The following TMEM132D variants were observed in gnomAD, a reference collection of about 807,000 sequenced individuals.
The protein encoded by TMEM132D is mature OL transmembrane protein.
A neutral mutation model predicts 62.3 loss-of-function variants in TMEM132D; 21 were observed. That is an observed-to-expected ratio of 0.34 (90% CI 0.24 to 0.49). The LOEUF is 0.49. Among genes scored for constraint, TMEM132D ranks in the 20% least tolerant of loss-of-function variants. TMEM132D has a pLI of 0.99. For synonymous variants in TMEM132D, 621 were observed against 575.6 expected, an observed-to-expected ratio of 1.08 and a Z score of -1.13; for missense variants, 1,346 against 1,402.8, an observed-to-expected ratio of 0.96 and a Z score of 0.65.
chr12:129,357,801 T>C (rs1307976854), intron 3 of TMEM132D, among the ~76,000 whole-genome samples: 1 of 152,160 alleles, frequency 6.6e-6, no homozygotes, highest in Non-Finnish European at 1.5e-5. Context: ...AATGGCACTT[T>C]GGAAATTTGC....
chr12:129,182,967 C>G (rs923091222), intron 5 of TMEM132D, among the ~76,000 whole-genome samples: 3 of 152,116 alleles, frequency 2.0e-5, no homozygotes, highest in African/African-American at 7.2e-5. Context: ...ACAGGTGTGG[C>G]AGGGATGGCT....
At chr12:129,667,487 G>C (rs1453146339) in intron 2 of TMEM132D, among the ~76,000 whole-genome samples, 2 of 152,004 alleles carry the variant, frequency 1.3e-5, no homozygotes, top group African/African-American at 2.4e-5. Context: ...TCAAAGTAAA[G>C]GTTTTTCTTT....
intron 5 of TMEM132D, among the ~76,000 whole-genome samples, chr12:129,186,894 A>C (rs1427622175): frequency 1.3e-5 from 2 of 152,230 alleles, no homozygotes; most frequent in Non-Finnish European, 2.9e-5. Context: ...AAAAAACCTA[A>C]GTAATACATT....
chr12:129,580,234 G>C (rs1334045117), intron 2 of TMEM132D, among the ~76,000 whole-genome samples: 2 of 152,082 alleles, frequency 1.3e-5, no homozygotes, highest in African/African-American at 4.8e-5. Context: ...AAAAAAACTC[G>C]GGTCGAAAAT....
intron 3 of TMEM132D, among the ~76,000 whole-genome samples, chr12:129,468,193 G>A (rs1485969305): frequency 6.6e-6 from 1 of 151,844 alleles, no homozygotes; most frequent in African/African-American, 2.4e-5. Flanking sequence ...CTTTGTGTGT[G>A]TGTGTGTGTG....
chr12:129,508,733 C>CT (rs2137072450), intron 3 of TMEM132D, among the ~76,000 whole-genome samples: 1 of 144,704 alleles, frequency 6.9e-6, no homozygotes, highest in African/African-American at 2.7e-5. Context: ...ACTGAATAAA[C>CT]TAAGAGTCTC....
chr12:129,677,099 T>A (rs1443624068), intron 2 of TMEM132D, among the ~76,000 whole-genome samples: 1 of 152,228 alleles, frequency 6.6e-6, no homozygotes, highest in African/African-American at 2.4e-5. Context: ...TCTTCTGGCA[T>A]TGAATGACAG....
At chr12:129,548,460 G>A (rs930720312) in intron 2 of TMEM132D, among the ~76,000 whole-genome samples, 1 of 152,218 alleles carries the variant, frequency 6.6e-6, no homozygotes, top group Non-Finnish European at 1.5e-5. Flanking sequence ...GGAATAGGAA[G>A]ATTTTTCAAG....
chr12:129,660,375 C>T (rs921470977), intron 2 of TMEM132D, among the ~76,000 whole-genome samples: 2 of 152,090 alleles, frequency 1.3e-5, no homozygotes, highest in Non-Finnish European at 2.9e-5. Flanking sequence ...CTAACACAGC[C>T]TCTTCCTTTC....
intron 2 of TMEM132D, among the ~76,000 whole-genome samples, chr12:129,599,973 A>G (rs1044587958): frequency 2.6e-5 from 4 of 152,132 alleles, no homozygotes; most frequent in African/African-American, 9.7e-5. Context: ...GGCTGTGGCA[A>G]TGTCTTAAAA....
At chr12:129,154,975 T>C (rs1337642236) in intron 5 of TMEM132D, among the ~76,000 whole-genome samples, 4 of 152,224 alleles carry the variant, frequency 2.6e-5, no homozygotes, top group African/African-American at 9.6e-5. Flanking sequence ...AGGATCAAGA[T>C]CAGGAAACAT....
chr12:129,118,126 CT>C (rs769133862), intron 5 of TMEM132D, among the ~76,000 whole-genome samples: 3 of 152,182 alleles, frequency 2.0e-5, no homozygotes, highest in Non-Finnish European at 4.4e-5. Flanking sequence ...ATGTTCTGTG[CT>C]TTTCCCCTAA....
At chr12:129,634,974 C>T (rs1879440737) in intron 2 of TMEM132D, among the ~76,000 whole-genome samples, 1 of 152,124 alleles carries the variant, frequency 6.6e-6, no homozygotes, top group Non-Finnish European at 1.5e-5. Flanking sequence ...CTCCTTATAC[C>T]ATTCCTTTAT....
rs566136723 is a variant in TMEM132D, at chr12:129,292,342, C to T, written c.1299+45292G>A. On this transcript the variant is annotated intron_variant, in intron 4 of 8. Coordinates refer to ENST00000422113, the MANE Select transcript of TMEM132D (RefSeq NM_133448.3). ...GAAGAAGCCCATTAGCTCCCATTAGCGTATCTGAAAGTAGCTGTAACTGAC... is the reference window on the plus strand; with the variant it reads ...GAAGAAGCCCATTAGCTCCCATTAGTGTATCTGAAAGTAGCTGTAACTGAC... Among the ~76,000 whole-genome samples, 5 of 152,260 alleles carry T rather than the reference C, an allele frequency of 3.3e-5. No individual in the cohort carries two copies. The South Asian group carries it at 8.3e-4, about 25-fold the overall frequency.
chr12:129,343,587 TA>T (rs1035863295), intron 3 of TMEM132D, among the ~76,000 whole-genome samples: 2 of 151,388 alleles, frequency 1.3e-5, no homozygotes, highest in African/African-American at 2.4e-5. Flanking sequence ...ATAATAAAAT[TA>T]AAAAAAAGAC....
Position 129,781,004 on chromosome 12 carries a change from G to C in TMEM132D, c.80-80306C>G, listed in dbSNP as rs143682005. On this transcript the variant is annotated intron_variant, in intron 1 of 8. Transcript: ENST00000422113. Reference sequence around the variant, plus strand: ...TGAGTTGTCTGGCCACTCCCTGCTGGGGGGTGACAGCAGCTTGAGCTCTGT... The same window carrying C: ...TGAGTTGTCTGGCCACTCCCTGCTGCGGGGTGACAGCAGCTTGAGCTCTGT... Among the ~76,000 whole-genome samples, 81 of 152,274 alleles carry C rather than the reference G, an allele frequency of 5.3e-4. 2 individuals are homozygous for C. Among genetic ancestry groups the C allele is most frequent in the African/African-American group, 1.8e-3 (75 of 41,546 alleles).
chr12:129,876,748 G>A (rs1219816414), intron 1 of TMEM132D, among the ~76,000 whole-genome samples: 1 of 152,180 alleles, frequency 6.6e-6, no homozygotes, highest in African/African-American at 2.4e-5. Flanking sequence ...ACTGCTGTTA[G>A]TGTCCACAAA....
In TMEM132D at chr12:129,072,377, A is replaced by T. The variant is rs943695899; in HGVS notation, c.*1498T>A. 7.2e-5 allele frequency: 11 copies of T among 152,530 alleles called. No homozygotes were observed. Among genetic ancestry groups the T allele is most frequent in the African/African-American group, 2.7e-4 (11 of 41,436 alleles). The allele number at this position is 152,530 out of a possible 1,614,324, so 9.4% of individuals were successfully genotyped here. On this transcript the variant is annotated 3_prime_UTR_variant, in exon 9 of 9. Transcript: ENST00000422113. ...CTGGCTGGCAATCACCCAACACACCATTCTCTACCTTGGAGTGAGCGTGAG... is the reference window on the plus strand; with the variant it reads ...CTGGCTGGCAATCACCCAACACACCTTTCTCTACCTTGGAGTGAGCGTGAG...
At chr12:129,332,871 G>C (rs1661203556) in intron 4 of TMEM132D, among the ~76,000 whole-genome samples, 1 of 152,146 alleles carries the variant, frequency 6.6e-6, no homozygotes, top group Non-Finnish European at 1.5e-5. Context: ...GGAGGGAAGA[G>C]GGAGGAGGAA....
Sources: allele counts gnomAD v4.1 joint callset (sites outside exome capture counted in the v4.1 genomes callset), GRCh38; gene constraint gnomAD v4.1.1; transcripts MANE v1.5; gene names NCBI Gene and HGNC (gene_info 2026-07-23, HGNC 2026-07-21).